Variants in PCSK1 observed in about 807,000 individuals in gnomAD.
The protein encoded by PCSK1 is neuroendocrine convertase 1.
Under a neutral mutation model 90.6 loss-of-function variants are expected in PCSK1, and 56 were observed. That is an observed-to-expected ratio of 0.62 (90% CI 0.50 to 0.77). The LOEUF (loss-of-function observed/expected upper bound fraction) is 0.77. Ranked by LOEUF, PCSK1 falls within the 30% of genes least tolerant of loss-of-function variation. The pLI, the probability that PCSK1 is intolerant of heterozygous loss-of-function variation, is 0.00. For missense variants in PCSK1, 801 were observed against 932.6 expected, an observed-to-expected ratio of 0.86 and a Z score of 1.84; for synonymous variants, 348 against 342.4, an observed-to-expected ratio of 1.02 and a Z score of -0.18.
chr5:96,425,796 C>T, intron 3 of PCSK1, 24 bp downstream of exon 3: 3 of 1,296,344 alleles, frequency 2.3e-6, no homozygotes, highest in Non-Finnish European at 3.4e-6. Context: ...GTCCCACCCA[C>T]ATAGTCCTTC....
At chr5:96,399,240 A>G (rs1580746191) in intron 10 of PCSK1, among the ~76,000 whole-genome samples, 1 of 152,276 alleles carries the variant, frequency 6.6e-6, no homozygotes, top group East Asian at 1.9e-4. Flanking sequence ...CTTAAATACA[A>G]TGCTATTTGC....
At chr5:96,427,128 T>C (rs1001862863) in intron 2 of PCSK1, among the ~76,000 whole-genome samples, 11 of 152,222 alleles carry the variant, frequency 7.2e-5, no homozygotes, top group African/African-American at 2.7e-4. Flanking sequence ...CTTGTAAAGA[T>C]AGACTGTTGC....
At chr5:96,401,190 T>C (rs567555397) in intron 9 of PCSK1, among the ~76,000 whole-genome samples, 2 of 151,438 alleles carry the variant, frequency 1.3e-5, no homozygotes, top group African/African-American at 4.9e-5. Flanking sequence ...GCTTAACGCA[T>C]TGTGGGAGTT....
chr5:96,396,799 T>A (rs1005509506), intron 12 of PCSK1, among the ~76,000 whole-genome samples: 2 of 152,232 alleles, frequency 1.3e-5, no homozygotes, highest in African/African-American at 4.8e-5. Flanking sequence ...TGTCAAAGAA[T>A]GTTAGTAAAC....
chr5:96,427,517 C>T (rs1184676062), intron 2 of PCSK1, among the ~76,000 whole-genome samples: 2 of 152,126 alleles, frequency 1.3e-5, no homozygotes, highest in African/African-American at 4.8e-5. Context: ...TATTCTTGGG[C>T]TAATTTTTTA....
At chr5:96,423,869 G>T (rs1031289398) in intron 3 of PCSK1, among the ~76,000 whole-genome samples, 3 of 152,038 alleles carry the variant, frequency 2.0e-5, no homozygotes, top group Admixed American at 1.3e-4. Context: ...TCATTATATT[G>T]CCTGGTGCAT....
intron 7 of PCSK1, among the ~76,000 whole-genome samples, 199 bp from the exon 8 acceptor site, chr5:96,411,185 T>C (rs1760742453): frequency 6.6e-6 from 1 of 152,262 alleles, no homozygotes; most frequent in African/African-American, 2.4e-5. Context: ...ACTCTGGCCC[T>C]GCCAGTCTCT....
At chr5:96,403,682 T>C (rs972534012) in intron 9 of PCSK1, among the ~76,000 whole-genome samples, 1 of 152,220 alleles carries the variant, frequency 6.6e-6, no homozygotes, top group Non-Finnish European at 1.5e-5. Context: ...AGAAGAGATG[T>C]AGGTAATGTA....
chr5:96,399,987 C>T lies in PCSK1; in HGVS notation c.1396G>A (p.Glu466Lys). 2 of 1,614,174 alleles carry T rather than the reference C, an allele frequency of 1.2e-6. No individual in the cohort carries two copies. The highest frequency in any genetic ancestry group is 2.2e-5 in the East Asian group (1 of 44,890). ...AAGTCATTGTCCTTTACAACACACT[C>T]TTTCTTCTCAGGCACGCTCCTCCAG... ...RTWRSVPEKK[E>K]CVVKDNDFEP... The change falls in exon 10 of 14, where the codon GAG (glutamate) becomes AAG (lysine). Residue 466 changes from glutamate (E) to lysine (K), a missense_variant. Transcript: ENST00000311106.
chr5:96,420,525 A>G (rs1365460037), intron 5 of PCSK1, among the ~76,000 whole-genome samples: 1 of 152,160 alleles, frequency 6.6e-6, no homozygotes, highest in Non-Finnish European at 1.5e-5. Flanking sequence ...AATAAATGGT[A>G]CGGAAAGAAG....
rs774205447 is a variant in PCSK1 at position 96,393,345 on chromosome 5, TGTTCTCCTTAGG to T, written c.1906_1917del (p.Pro636_Asn639del). On this transcript the variant is annotated inframe_deletion, in exon 14 of 14. Coordinates refer to ENST00000311106, the MANE Select transcript of PCSK1 (RefSeq NM_000439.5). ...CTGCTGGGGCTTTTGGACACCAGGG[TGTTCTCCTTAGG>T]GTTCTCTTGTGTGGGCTGCTCCTAA... is the stretch of plus-strand genomic sequence containing the variant. The T allele has an allele frequency of 1.1e-5, 17 of 1,613,910 alleles. No individual in the cohort carries two copies. Among genetic ancestry groups the T allele is most frequent in the Non-Finnish European group, 1.4e-5 (16 of 1,179,994 alleles).
At chr5:96,429,644 C>A (rs954746000) in intron 1 of PCSK1, among the ~76,000 whole-genome samples, 2 of 152,118 alleles carry the variant, frequency 1.3e-5, no homozygotes, top group Non-Finnish European at 2.9e-5. Context: ...ATATGTTGTT[C>A]CCCTCTATGT....
chr5:96,398,922 A>C lies in PCSK1; in HGVS notation c.1545T>G (p.Tyr515Ter). Residue 515 changes from tyrosine (Y) to a stop codon, truncating the protein, a stop_gained, in exon 11 of 14, where the codon TAT becomes TAG. Transcript: ENST00000311106. LOFTEE classifies it high-confidence loss of function. ...EHVQFEATIE[Y>*]SRRGDLHVTL... ...TGACATGAAGGTCTCCTCTTCGGGAATATTCAATTGTTGCTTCAAATTGTA... is the reference window on the plus strand; with the variant it reads ...TGACATGAAGGTCTCCTCTTCGGGACTATTCAATTGTTGCTTCAAATTGTA... 6.2e-7 allele frequency: 1 copy of C among 1,613,684 alleles called. No individual in the cohort carries two copies. Among genetic ancestry groups the C allele is most frequent in the Non-Finnish European group, 8.5e-7 (1 of 1,179,594 alleles).
chr5:96,421,982 T>C (rs370569102), intron 4 of PCSK1, 26 bp from the exon 5 acceptor site: 13 of 664,124 alleles, frequency 2.0e-5, no homozygotes, highest in Admixed American at 7.9e-5. Flanking sequence ...AATATAACAC[T>C]GTGGCAGCAT....
chr5:96,423,424 C>T lies in PCSK1; in HGVS notation c.432G>A (p.Leu144=). The T allele has an allele frequency of 6.2e-7, 1 of 1,614,052 alleles. No individual in the cohort carries two copies. The highest frequency in any genetic ancestry group is 8.5e-7 in the Non-Finnish European group (1 of 1,179,934). Residue 144 remains leucine, a synonymous_variant, in exon 4 of 14, where the codon CTG becomes CTA. Transcript: ENST00000311106. ...GCCAAACAGGTATCACATGAAGGTC[C>T]AGCTTGGGCAGGGCTGCCGTCATCC... The part of the protein sequence containing the change: ...DTRMTAALPK[L]DLHVIPVWQK...
rs201061171 is a variant in PCSK1, at chr5:96,424,832, G to A, written c.396+988C>T. ...ACAAAAATTAGCTGGGCATGGTGGC[G>A]GGCATCTGTAATCCAAGCTACTCCA... On this transcript the variant is annotated intron_variant, in intron 3 of 13. Transcript: ENST00000311106. Among the ~76,000 whole-genome samples the A allele has an allele frequency of 3.0e-4, 46 of 151,816 alleles. No homozygotes were observed. The East Asian group carries it at 7.8e-3, about 26-fold the overall frequency.
chr5:96,393,922 C>T (rs551296696), intron 13 of PCSK1, among the ~76,000 whole-genome samples: 2 of 152,272 alleles, frequency 1.3e-5, no homozygotes, highest in East Asian at 3.9e-4. Flanking sequence ...AGAAGCCAAC[C>T]TTGGCCAACT....
At chr5:96,431,330 C>G (rs1430002774) in intron 1 of PCSK1, among the ~76,000 whole-genome samples, 1 of 152,220 alleles carries the variant, frequency 6.6e-6, no homozygotes, top group Non-Finnish European at 1.5e-5. Flanking sequence ...CAACCTTTGA[C>G]TTCTGTTCCC....
intron 3 of PCSK1, among the ~76,000 whole-genome samples, chr5:96,425,008 A>AAAAAGAAAG (rs1554059750): frequency 5.1e-5 from 6 of 117,478 alleles, no homozygotes; most frequent in Admixed American, 1.9e-4. Context: ...AGAAAGAAAG[A>AAAAAGAAAG]AAAGAAAGAA....
Sources: allele counts gnomAD v4.1 joint callset (sites outside exome capture counted in the v4.1 genomes callset), GRCh38; gene constraint gnomAD v4.1.1; transcripts MANE v1.5; gene names NCBI Gene and HGNC (gene_info 2026-07-23, HGNC 2026-07-21).